The following RRP15 variants were observed in gnomAD, a reference collection of about 807,000 sequenced individuals.
The protein encoded by RRP15 is ribosomal RNA processing 15 homolog.
RRP15 carries 18 observed loss-of-function variants against 27.1 expected under a neutral mutation model. That is an observed-to-expected ratio of 0.66 (90% CI 0.46 to 0.98). RRP15 has a LOEUF of 0.98. Among genes scored for constraint, RRP15 ranks in the 50% least tolerant of loss-of-function variants. The probability of loss-of-function intolerance (pLI) is 0.00; values close to 1 mark genes in which losing one functional copy is unlikely to be tolerated. For synonymous variants in RRP15, 107 were observed against 109.4 expected (o/e 0.98, Z 0.14); for missense variants, 359 against 337.8 (o/e 1.06, Z -0.49).
intron 4 of RRP15, among the ~76,000 whole-genome samples, chr1:218,323,128 G>T (rs1181069980): frequency 2.6e-5 from 4 of 152,206 alleles, no homozygotes; most frequent in Non-Finnish European, 5.9e-5. Flanking sequence ...CTGGCTCAGG[G>T]AGCTCCTAGG....
At chr1:218,298,618 G>C (rs73108384) in intron 1 of RRP15, among the ~76,000 whole-genome samples, 1 of 152,138 alleles carries the variant, frequency 6.6e-6, no homozygotes, top group South Asian at 2.1e-4. Flanking sequence ...AGGTTTGGGG[G>C]AAAAGGCAGC....
chr1:218,302,211 G>A, intron 1 of RRP15, 83 bp from the exon 2 acceptor site: 2 of 1,028,518 alleles, frequency 1.9e-6, no homozygotes, highest in Non-Finnish European at 2.9e-6. Context: ...GACAGGCAGA[G>A]CTCCAGGAAG....
intron 4 of RRP15, among the ~76,000 whole-genome samples, chr1:218,326,032 T>G (rs1656266432): frequency 6.6e-6 from 1 of 152,194 alleles, no homozygotes; most frequent in South Asian, 2.1e-4. Context: ...TGGCCGAGTG[T>G]GGTGGTTCAG....
At chr1:218,285,522 G>A in intron 1 of RRP15, 67 bp downstream of exon 1, 1 of 1,595,828 alleles carries the variant, frequency 6.3e-7, no homozygotes, top group South Asian at 1.1e-5. Flanking sequence ...GTCAAGCAGC[G>A]CTTGCGACTT....
chr1:218,333,899 T>C lies in RRP15; in HGVS notation c.*2808T>C, dbSNP rs1656411644. ...TTTTATTTTTGGTAACTACTTAGAATAATATAGTAGGTTACTTATCTTCGG... is the reference window on the plus strand; with the variant it reads ...TTTTATTTTTGGTAACTACTTAGAACAATATAGTAGGTTACTTATCTTCGG... On this transcript the variant is annotated 3_prime_UTR_variant, in exon 5 of 5. Coordinates refer to ENST00000366932, the MANE Select transcript of RRP15 (RefSeq NM_016052.4). The C allele has an allele frequency of 6.6e-6, 1 of 152,202 alleles. No homozygotes were observed. Among genetic ancestry groups the C allele is most frequent in the African/African-American group, 2.4e-5 (1 of 41,464 alleles). 9.4% of individuals were successfully genotyped at this position (152,202 alleles called of 1,614,324 possible). A position where few individuals can be genotyped will look rare whatever the true frequency, so the allele number is the denominator to read the frequency against.
Position 218,304,908 on chromosome 1 carries a change from C to T in RRP15, c.406-120C>T, listed in dbSNP as rs147005545. On this transcript the variant is annotated intron_variant, in intron 2 of 4. Transcript: ENST00000366932. ...CTAACATTGTGTTTTTTTAAAAGCCCCTGACAAACTAAGCCAGAATGATTT... is the reference window on the plus strand; with the variant it reads ...CTAACATTGTGTTTTTTTAAAAGCCTCTGACAAACTAAGCCAGAATGATTT... The T allele has an allele frequency of 8.4e-4, 753 of 894,636 alleles. 4 individuals carry two copies. In the African/African-American group the frequency reaches 0.011, roughly 13 times the overall value. 55.4% of individuals were successfully genotyped at this position (894,636 alleles called of 1,614,324 possible).
At chr1:218,294,673 G>A (rs948179030) in intron 1 of RRP15, among the ~76,000 whole-genome samples, 1 of 151,906 alleles carries the variant, frequency 6.6e-6, no homozygotes, top group Non-Finnish European at 1.5e-5. Flanking sequence ...GTTTTATGGA[G>A]ACTTCATTAC....
At chr1:218,329,642 A>T (rs1656334561) in intron 4 of RRP15, among the ~76,000 whole-genome samples, 1 of 152,162 alleles carries the variant, frequency 6.6e-6, no homozygotes, top group Non-Finnish European at 1.5e-5. Context: ...TGTTGGGTAA[A>T]TTATAGTAAA....
At chr1:218,318,857 A>G (rs1042242351) in intron 4 of RRP15, among the ~76,000 whole-genome samples, 1 of 151,516 alleles carries the variant, frequency 6.6e-6, no homozygotes, top group Admixed American at 6.6e-5. Context: ...GCCTTTTACC[A>G]TCAATTAGTG....
intron 4 of RRP15, among the ~76,000 whole-genome samples, chr1:218,324,386 G>A (rs1656238694): frequency 6.6e-6 from 1 of 152,192 alleles, no homozygotes; most frequent in African/African-American, 2.4e-5. Context: ...TTGAGGCCAT[G>A]GCAGAGGCTC....
chr1:218,285,363 T>C lies in RRP15; in HGVS notation c.47T>C (p.Leu16Pro), dbSNP rs1269824308. 1.2e-6 allele frequency: 2 copies of C among 1,613,824 alleles called. No individual in the cohort carries two copies. The highest frequency in any genetic ancestry group is 1.7e-6 in the Non-Finnish European group (2 of 1,179,962). Residue 16 changes from leucine to proline, a missense_variant, in exon 1 of 5, where the codon CTG becomes CCG. Transcript: ENST00000366932. ...PDSRVSEEEN[L>P]KKTPKKKMKM... ...TCACGTGTGAGTGAGGAAGAAAACC[T>C]GAAAAAGACCCCAAAGAAGAAGATG... is the stretch of plus-strand genomic sequence containing the variant.
intron 4 of RRP15, among the ~76,000 whole-genome samples, chr1:218,330,549 CG>C (rs1263558382): frequency 1.6e-4 from 24 of 152,142 alleles, no homozygotes; most frequent in African/African-American, 5.3e-4. Flanking sequence ...TTGTCAGTTG[CG>C]GTGAAATAAT....
chr1:218,313,790 GT>G, intron 4 of RRP15, among the ~76,000 whole-genome samples: 1 of 152,154 alleles, frequency 6.6e-6, no homozygotes, highest in East Asian at 1.9e-4. Context: ...ATTTTAGAGA[GT>G]TTTCCACATG....
chr1:218,302,927 T>G (rs1323008327), intron 2 of RRP15, among the ~76,000 whole-genome samples: 6 of 151,716 alleles, frequency 4.0e-5, no homozygotes, highest in Non-Finnish European at 8.8e-5. Context: ...TTTTTTTTTT[T>G]GCCAAAACTT....
Position 218,307,800 on chromosome 1 carries a change from T to C in RRP15, c.705+168T>C, listed in dbSNP as rs974801722. Among the ~76,000 whole-genome samples, 3 of 152,130 alleles carry C rather than the reference T, an allele frequency of 2.0e-5. No homozygotes were observed. In the South Asian group the frequency reaches 6.2e-4, roughly 31 times the overall value. ...AGAGATAGGGCTTGCCTCTCTCCTA[T>C]CTGAAATCCTGCCATTTTGCACATT... is the stretch of plus-strand genomic sequence containing the variant. On this transcript the variant is annotated intron_variant, in intron 4 of 4. Transcript: ENST00000366932.
chr1:218,300,780 G>C (rs188256423), intron 1 of RRP15, among the ~76,000 whole-genome samples: 54 of 152,322 alleles, frequency 3.5e-4, no homozygotes, highest in South Asian at 1.0e-3. Flanking sequence ...AGAAACAGCG[G>C]TTATGGTTCT....
rs185909751 is a variant in RRP15, at chr1:218,287,634, T to G, written c.139+2179T>G. 4.6e-5 allele frequency among the ~76,000 whole-genome samples: 7 copies of G among 152,296 alleles called. No individual in the cohort carries two copies. In the East Asian group the frequency reaches 1.2e-3, roughly 25 times the overall value. On this transcript the variant is annotated intron_variant, in intron 1 of 4. Coordinates refer to ENST00000366932, the MANE Select transcript of RRP15 (RefSeq NM_016052.4). Reference sequence around the variant, plus strand: ...TAGTTTTCAAGATCATGGTTCAATTTTGGAAAGGTAAGGATGGAGACAGAG... The same window carrying G: ...TAGTTTTCAAGATCATGGTTCAATTGTGGAAAGGTAAGGATGGAGACAGAG...
chr1:218,323,338 G>A (rs569410136), intron 4 of RRP15, among the ~76,000 whole-genome samples: 22 of 152,160 alleles, frequency 1.4e-4, no homozygotes, highest in Non-Finnish European at 2.1e-4. Flanking sequence ...AGATGAAGAG[G>A]AGCTTTATTG....
chr1:218,290,811 A>C (rs1191152510), intron 1 of RRP15, among the ~76,000 whole-genome samples: 1 of 152,140 alleles, frequency 6.6e-6, no homozygotes, highest in African/African-American at 2.4e-5. Context: ...GCTCCACTTG[A>C]AATGGTTTTC....
Sources: allele counts gnomAD v4.1 joint callset (sites outside exome capture counted in the v4.1 genomes callset), GRCh38; gene constraint gnomAD v4.1.1; transcripts MANE v1.5; gene names NCBI Gene and HGNC (gene_info 2026-07-23, HGNC 2026-07-21).